ABCA10: variants seen among roughly 807,000 people sequenced by gnomAD.
ABCA10 encodes the protein ATP binding cassette subfamily A member 10.
A neutral mutation model predicts 187.5 loss-of-function variants in ABCA10; 169 were observed. The observed-to-expected ratio is 0.90, with a 90% CI of 0.80 to 1.02. ABCA10 has a LOEUF of 1.02. Among genes scored for constraint, ABCA10 ranks in the 50% least tolerant of loss-of-function variants. The pLI is 0.00. For missense variants in ABCA10, 1,727 were observed against 1,812.4 expected (o/e 0.95, Z 0.86); for synonymous variants, 574 against 601.8 (o/e 0.95, Z 0.68).
At chr17:69,236,932 A>G (rs2074875689) in intron 1 of ABCA10, among the ~76,000 whole-genome samples, 1 of 152,206 alleles carries the variant, frequency 6.6e-6, no homozygotes, top group Non-Finnish European at 1.5e-5. Context: ...ACCCTGTATT[A>G]AACAATAGCA....
intron 27 of ABCA10, among the ~76,000 whole-genome samples, chr17:69,158,251 G>A (rs976612030): frequency 6.6e-6 from 1 of 151,800 alleles, no homozygotes; most frequent in Non-Finnish European, 1.5e-5. Flanking sequence ...TCAAGCCAAT[G>A]TCATAAAGCA....
At chr17:69,188,300 T>C (rs376515082) in intron 18 of ABCA10, among the ~76,000 whole-genome samples, 1 of 152,178 alleles carries the variant, frequency 6.6e-6, no homozygotes, top group East Asian at 1.9e-4. Context: ...TTCAAGACAT[T>C]GTGCTTTCAA....
At chr17:69,184,889 A>G (rs2074408894) in intron 20 of ABCA10, among the ~76,000 whole-genome samples, 1 of 147,808 alleles carries the variant, frequency 6.8e-6, no homozygotes. Flanking sequence ...ATACACACAC[A>G]CACATACATA....
chr17:69,165,085 T>C lies in ABCA10; in HGVS notation c.3163-2A>G. 6.5e-7 allele frequency: 1 copy of C among 1,539,510 alleles called. No individual in the cohort carries two copies. Among genetic ancestry groups the C allele is most frequent in the African/African-American group, 1.4e-5 (1 of 73,082 alleles). ...AATTGTGGATACACATATTAAGATC[T>C]AGAAAAAAATCCAGAAGTATTATAA... On this transcript the variant is annotated splice_acceptor_variant, in intron 25 of 38. Transcript: ENST00000690296. LOFTEE classifies it high-confidence loss of function.
intron 34 of ABCA10, among the ~76,000 whole-genome samples, 172 bp downstream of exon 34, chr17:69,153,133 C>T (rs928281029): frequency 2.0e-5 from 3 of 152,042 alleles, no homozygotes; most frequent in Admixed American, 6.6e-5. Context: ...CTATTTTTTC[C>T]CTCCTGCAGG....
chr17:69,195,294 G>A (rs927240036), intron 11 of ABCA10, among the ~76,000 whole-genome samples: 1 of 152,032 alleles, frequency 6.6e-6, no homozygotes, highest in African/African-American at 2.4e-5. Context: ...CTAATACTTC[G>A]AGCTTAGTTT....
At chr17:69,201,359 G>T in intron 10 of ABCA10, 141 bp downstream of exon 10, 1 of 729,422 alleles carries the variant, frequency 1.4e-6, no homozygotes, top group Non-Finnish European at 2.0e-6. Flanking sequence ...CTTTGAAAAT[G>T]GTGAATGAGA....
intron 22 of ABCA10, among the ~76,000 whole-genome samples, chr17:69,181,401 CTTTTA>C (rs1189711558): frequency 2.0e-5 from 3 of 151,894 alleles, no homozygotes; most frequent in African/African-American, 7.2e-5. Context: ...ATTTTTTTCT[CTTTTA>C]TTTTAAATTT....
chr17:69,219,869 C>T (rs2074733849), intron 5 of ABCA10, 98 bp from the exon 6 acceptor site: 1 of 851,336 alleles, frequency 1.2e-6, no homozygotes, highest in African/African-American at 1.7e-5. Context: ...TTTACATATT[C>T]TCATCATTTT....
chr17:69,182,328 T>C (rs1380661532), intron 21 of ABCA10, 38 bp from the exon 22 acceptor site: 1 of 1,323,606 alleles, frequency 7.6e-7, no homozygotes, highest in South Asian at 1.8e-5. Context: ...TATAAATTCT[T>C]ATAGTAAATA....
intron 9 of ABCA10, among the ~76,000 whole-genome samples, chr17:69,211,773 AG>A (rs2074662439): frequency 6.6e-6 from 1 of 152,074 alleles, no homozygotes; most frequent in Non-Finnish European, 1.5e-5. Context: ...TTGCACATAA[AG>A]GTGTCCATAG....
At chr17:69,195,008 A>C (rs41496448) in intron 11 of ABCA10, among the ~76,000 whole-genome samples, 11,090 of 152,272 alleles carry the variant, frequency 0.073, 542 homozygotes, top group Admixed American at 0.15. Context: ...TTTATATCAC[A>C]AAAGTGTGGG....
chr17:69,195,170 A>G (rs901325603), intron 11 of ABCA10, among the ~76,000 whole-genome samples: 1 of 152,164 alleles, frequency 6.6e-6, no homozygotes, highest in African/African-American at 2.4e-5. Flanking sequence ...AAATTTTAAA[A>G]GATTCTCTGA....
intron 23 of ABCA10, 106 bp from the exon 24 acceptor site, chr17:69,174,883 G>A: frequency 1.0e-6 from 1 of 989,930 alleles, no homozygotes; most frequent in Non-Finnish European, 1.4e-6. Flanking sequence ...ATGTTATAGT[G>A]TCTGTGTGAC....
chr17:69,203,803 A>G (rs373576695), intron 9 of ABCA10, among the ~76,000 whole-genome samples: 4 of 152,238 alleles, frequency 2.6e-5, no homozygotes, highest in African/African-American at 9.6e-5. Context: ...TGTTAAGGAT[A>G]GTTTAAAAGC....
chr17:69,238,462 C>CT (rs1030254471), intron 1 of ABCA10, among the ~76,000 whole-genome samples: 11 of 152,096 alleles, frequency 7.2e-5, no homozygotes, highest in African/African-American at 2.7e-4. Flanking sequence ...AAATCAGGGA[C>CT]TAGAGACATG....
chr17:69,191,187 T>C lies in ABCA10; in HGVS notation c.2000A>G (p.Asn667Ser). The change falls in exon 17 of 39, where the codon AAC (asparagine) becomes AGC (serine). Residue 667 changes from asparagine to serine, a missense_variant. Coordinates refer to ENST00000690296, the MANE Select transcript of ABCA10 (RefSeq NM_001377321.1). ...ACACAGTAAGTTACCTGGAAATTTGTTCGTTTTTTCCAAAGGCAAACTATA... is the reference window on the plus strand; with the variant it reads ...ACACAGTAAGTTACCTGGAAATTTGCTCGTTTTTTCCAAAGGCAAACTATA... ...LVYSLPLEKT[N>S]KFPDLYSDLD... 2 of 1,592,998 alleles carry C rather than the reference T, an allele frequency of 1.3e-6. No homozygotes were observed. Among genetic ancestry groups the C allele is most frequent in the Admixed American group, 1.7e-5 (1 of 57,982 alleles).
intron 22 of ABCA10, among the ~76,000 whole-genome samples, chr17:69,179,494 C>A (rs1461685971): frequency 6.6e-6 from 1 of 152,182 alleles, no homozygotes; most frequent in Non-Finnish European, 1.5e-5. Flanking sequence ...GTGTGTCATA[C>A]TGCATCTGAA....
intron 22 of ABCA10, chr17:69,178,949 T>C (rs1027638539): frequency 2.0e-5 from 3 of 152,154 alleles, no homozygotes; most frequent in East Asian, 3.9e-4. Flanking sequence ...GACAATTTAA[T>C]ATCCAAATTG....
Sources: allele counts gnomAD v4.1 joint callset (sites outside exome capture counted in the v4.1 genomes callset), GRCh38; gene constraint gnomAD v4.1.1; transcripts MANE v1.5; gene names NCBI Gene and HGNC (gene_info 2026-07-23, HGNC 2026-07-21).